KCNH7: variants seen among roughly 807,000 people sequenced by gnomAD.
KCNH7 encodes the protein potassium voltage-gated channel subfamily H member 7.
Under a neutral mutation model 120.8 loss-of-function variants are expected in KCNH7, and 49 were observed. The ratio of observed to expected loss-of-function variants is 0.41; its 90% CI spans 0.32 to 0.51. The LOEUF (loss-of-function observed/expected upper bound fraction) is 0.51, where lower values mean the gene tolerates loss of function less well. Ranked by LOEUF, KCNH7 falls within the 20% of genes least tolerant of loss-of-function variation. KCNH7 has a pLI of 0.38. For missense variants in KCNH7, 1,097 were observed against 1,446.6 expected (o/e 0.76, Z 3.92); for synonymous variants, 547 against 516.1 (o/e 1.06, Z -0.81).
At chr2:162,503,659 T>C (rs1287101671) in intron 6 of KCNH7, among the ~76,000 whole-genome samples, 2 of 151,986 alleles carry the variant, frequency 1.3e-5, no homozygotes, top group African/African-American at 4.8e-5. Flanking sequence ...GGATAAAGAA[T>C]GGGGGCAAGC....
At chr2:162,423,287 T>C (rs201726262) in intron 9 of KCNH7, 49 bp downstream of exon 9, 9 of 1,612,394 alleles carry the variant, frequency 5.6e-6, no homozygotes, top group African/African-American at 1.3e-5. Context: ...ATTTTGGCTA[T>C]CACTATAATG....
At chr2:162,811,159 T>C (rs80043898) in intron 2 of KCNH7, among the ~76,000 whole-genome samples, 3,654 of 152,246 alleles carry the variant, frequency 0.024, 144 homozygotes, top group African/African-American at 0.083. Context: ...AATTGAATAC[T>C]ATGAAGTGAG....
chr2:162,396,310 A>C (rs1445730102), intron 11 of KCNH7, among the ~76,000 whole-genome samples: 2 of 151,806 alleles, frequency 1.3e-5, no homozygotes, highest in Non-Finnish European at 2.9e-5. Flanking sequence ...AATGAGGTTA[A>C]TTTTTTCATT....
Position 162,623,665 on chromosome 2 carries a change from G to A in KCNH7, c.308-86585C>T, listed in dbSNP as rs190262905. Among the ~76,000 whole-genome samples, 305 of 152,218 alleles carry A rather than the reference G, an allele frequency of 2.0e-3. 1 individual carries two copies. Among genetic ancestry groups the A allele is most frequent in the Non-Finnish European group, 3.1e-3 (208 of 68,008 alleles). On this transcript the variant is annotated intron_variant, in intron 2 of 15. Coordinates refer to ENST00000332142, the MANE Select transcript of KCNH7 (RefSeq NM_033272.4). ...AATTATGTCACCTTGTACAAGTTAC[G>A]TAACCTTTCTATATCTCAGTTCCCT...
intron 2 of KCNH7, among the ~76,000 whole-genome samples, chr2:162,731,537 A>T (rs1051655469): frequency 6.6e-6 from 1 of 151,956 alleles, no homozygotes; most frequent in East Asian, 1.9e-4. Context: ...TGAATAAACA[A>T]ATAGTGATCA....
chr2:162,561,898 G>C lies in KCNH7; in HGVS notation c.308-24818C>G, dbSNP rs929681332. On this transcript the variant is annotated intron_variant, in intron 2 of 15. Transcript: ENST00000332142. Reference sequence around the variant, plus strand: ...ATGCAGCCATAAAAAGGATGAGTTTGTGTCCTTTGCAGGGACATGGATGAC... The same window carrying C: ...ATGCAGCCATAAAAAGGATGAGTTTCTGTCCTTTGCAGGGACATGGATGAC... Among the ~76,000 whole-genome samples the C allele has an allele frequency of 6.4e-4, 98 of 152,240 alleles. 5 individuals carry two copies. Among genetic ancestry groups the C allele is most frequent in the Admixed American group, 6.5e-5 (1 of 15,292 alleles).
chr2:162,378,012 A>C (rs968356423), intron 14 of KCNH7, among the ~76,000 whole-genome samples: 1 of 152,190 alleles, frequency 6.6e-6, no homozygotes, highest in African/African-American at 2.4e-5. Flanking sequence ...GGCACCCATG[A>C]CAGAGCAACC....
chr2:162,774,443 G>A (rs1256093931), intron 2 of KCNH7, among the ~76,000 whole-genome samples: 1 of 152,134 alleles, frequency 6.6e-6, no homozygotes, highest in Non-Finnish European at 1.5e-5. Flanking sequence ...CATTCTGGGA[G>A]TGGGATTATC....
At chr2:162,504,709 A>G in intron 5 of KCNH7, 52 bp from the exon 6 acceptor site, 1 of 1,203,596 alleles carries the variant, frequency 8.3e-7, no homozygotes, top group Non-Finnish European at 1.2e-6. Context: ...TATAGAAGAA[A>G]GAGACAGTTC....
At chr2:162,725,944 A>T (rs1264754455) in intron 2 of KCNH7, among the ~76,000 whole-genome samples, 1 of 152,222 alleles carries the variant, frequency 6.6e-6, no homozygotes, top group African/African-American at 2.4e-5. Context: ...TATTTCTAAA[A>T]GAATATTTTC....
intron 2 of KCNH7, among the ~76,000 whole-genome samples, chr2:162,806,718 C>A (rs1483068679): frequency 6.6e-6 from 1 of 152,128 alleles, no homozygotes; most frequent in Non-Finnish European, 1.5e-5. Context: ...CATCAGGCAT[C>A]CACACCACTA....
intron 6 of KCNH7, among the ~76,000 whole-genome samples, chr2:162,473,244 A>C (rs1408244537): frequency 1.3e-5 from 2 of 152,054 alleles, no homozygotes; most frequent in African/African-American, 4.8e-5. Flanking sequence ...AAAATAAAAA[A>C]TAAAAAATAC....
intron 2 of KCNH7, among the ~76,000 whole-genome samples, chr2:162,725,292 G>C (rs1010249797): frequency 6.6e-6 from 1 of 151,840 alleles, no homozygotes. Context: ...TGATAAAAAA[G>C]TCTTCCTTAA....
chr2:162,454,783 A>AT (rs1174199976), intron 6 of KCNH7, among the ~76,000 whole-genome samples: 4 of 152,042 alleles, frequency 2.6e-5, no homozygotes, highest in African/African-American at 9.7e-5. Context: ...TTGCACATTG[A>AT]TTTTGTATCC....
At chr2:162,803,934 A>G (rs1684438787) in intron 2 of KCNH7, among the ~76,000 whole-genome samples, 1 of 151,774 alleles carries the variant, frequency 6.6e-6, no homozygotes, top group South Asian at 2.1e-4. Context: ...AAAAAAATCA[A>G]GAAATGTACT....
intron 2 of KCNH7, among the ~76,000 whole-genome samples, chr2:162,763,708 T>A (rs1337417965): frequency 6.7e-6 from 1 of 149,608 alleles, no homozygotes; most frequent in Non-Finnish European, 1.5e-5. Context: ...AGAAAATTAA[T>A]CTGGAAGGAA....
intron 2 of KCNH7, among the ~76,000 whole-genome samples, chr2:162,700,068 G>A (rs983403196): frequency 1.3e-5 from 2 of 152,040 alleles, no homozygotes; most frequent in Non-Finnish European, 2.9e-5. Flanking sequence ...CAGAAGCAAT[G>A]GAAAGAAACA....
rs1573910994 is a variant in KCNH7, at chr2:162,396,791, G to C, written c.2562C>G (p.His854Gln). ...VLDMYPEFSD[H>Q]FLTNLELTFN... ...AAGTCAACTCTAGGTTTGTTAGAAA[G>C]TGATCAGAAAACTCAGGATACATAT... Residue 854 changes from histidine (H) to glutamine (Q), a missense_variant, in exon 11 of 16, where the codon CAC becomes CAG. Physicochemically the swap from His to Gln is conservative, Grantham distance 24 (BLOSUM62 0). Coordinates refer to ENST00000332142, the MANE Select transcript of KCNH7 (RefSeq NM_033272.4). 3 of 1,611,730 alleles carry C rather than the reference G, an allele frequency of 1.9e-6. No homozygotes were observed. The highest frequency in any genetic ancestry group is 2.2e-5 in the East Asian group (1 of 44,652).
chr2:162,721,055 C>A (rs1687308047), intron 2 of KCNH7, among the ~76,000 whole-genome samples: 1 of 152,106 alleles, frequency 6.6e-6, no homozygotes, highest in South Asian at 2.1e-4. Flanking sequence ...TCATTTCAAG[C>A]TACCAGCTTC....
Sources: allele counts gnomAD v4.1 joint callset (sites outside exome capture counted in the v4.1 genomes callset), GRCh38; gene constraint gnomAD v4.1.1; transcripts MANE v1.5; gene names NCBI Gene and HGNC (gene_info 2026-07-23, HGNC 2026-07-21).